The following ASXL2 variants were observed in gnomAD, a reference collection of about 807,000 sequenced individuals.
ASXL2 encodes putative Polycomb group protein ASXL2.
A neutral mutation model predicts 122.0 loss-of-function variants in ASXL2; 23 were observed. The observed-to-expected ratio is 0.19, with a 90% CI of 0.14 to 0.27. The LOEUF (loss-of-function observed/expected upper bound fraction) is 0.27. Ranked by LOEUF, ASXL2 falls within the 10% of genes least tolerant of loss-of-function variation. ASXL2 has a pLI of 1.00. For synonymous variants in ASXL2, 650 were observed against 637.0 expected, an observed-to-expected ratio of 1.02 and a Z score of -0.31; for missense variants, 1,518 against 1,713.8, an observed-to-expected ratio of 0.89 and a Z score of 2.02.
intron 11 of ASXL2, 117 bp downstream of exon 11, chr2:25,753,417 A>G: frequency 2.9e-6 from 2 of 693,646 alleles, no homozygotes; most frequent in Non-Finnish European, 4.5e-6. Flanking sequence ...AAAACAAAAT[A>G]AAACAAAACA....
Position 25,743,742 on chromosome 2 carries a change from T to G in ASXL2, c.2595A>C (p.Ile865=). ...VELKAGPSKN[I]PNPSASSKTD... ...TCTTTGATGAGGCTGAAGGGTTAGG[T>G]ATATTCTTACTAGGACCTGCTTTGA... The change falls in exon 13 of 13, where the codon ATA becomes ATC. Residue 865 remains isoleucine (I), a synonymous_variant. Transcript: ENST00000435504. The G allele has an allele frequency of 2.5e-6, 4 of 1,613,870 alleles. No homozygotes were observed. The highest frequency in any genetic ancestry group is 3.4e-6 in the Non-Finnish European group (4 of 1,179,864).
intron 1 of ASXL2, among the ~76,000 whole-genome samples, chr2:25,877,469 G>A (rs1225818048): frequency 6.6e-6 from 1 of 152,018 alleles, no homozygotes; most frequent in Non-Finnish European, 1.5e-5. Context: ...CCATCCCTTT[G>A]GCTAGGGTAA....
At chr2:25,819,948 C>T (rs1307559887) in intron 3 of ASXL2, among the ~76,000 whole-genome samples, 2 of 152,114 alleles carry the variant, frequency 1.3e-5, no homozygotes, top group African/African-American at 4.8e-5. Flanking sequence ...CTTGCTCTGT[C>T]CCCCAGGCTA....
chr2:25,758,318 C>T (rs1001604800), intron 9 of ASXL2, among the ~76,000 whole-genome samples: 3 of 152,174 alleles, frequency 2.0e-5, no homozygotes, highest in Non-Finnish European at 4.4e-5. Context: ...TTACTACGAA[C>T]AAGAGAGTAT....
In ASXL2 at chr2:25,877,159, G is replaced by T. The variant is rs147309848; in HGVS notation, c.57+1007C>A. On this transcript the variant is annotated intron_variant, in intron 1 of 12. Coordinates refer to ENST00000435504, the MANE Select transcript of ASXL2 (RefSeq NM_018263.6). Reference sequence around the variant, plus strand: ...GTTCACTAAGAAGGGCTACGTTGTCGAAGTATTACCGGCATTAATCACCAT... The same window carrying T: ...GTTCACTAAGAAGGGCTACGTTGTCTAAGTATTACCGGCATTAATCACCAT... Among the ~76,000 whole-genome samples, 731 of 152,164 alleles carry T rather than the reference G, an allele frequency of 4.8e-3. 5 individuals are homozygous for T. The highest frequency in any genetic ancestry group is 0.016 in the African/African-American group (676 of 41,514).
At chr2:25,860,514 A>G (rs1489807554) in intron 1 of ASXL2, among the ~76,000 whole-genome samples, 2 of 151,664 alleles carry the variant, frequency 1.3e-5, no homozygotes, top group Non-Finnish European at 2.9e-5. Context: ...GGAGTTCCGG[A>G]CCAGCCTGGC....
intron 3 of ASXL2, among the ~76,000 whole-genome samples, chr2:25,820,915 C>T (rs1015620898): frequency 3.9e-5 from 6 of 152,084 alleles, no homozygotes; most frequent in African/African-American, 1.2e-4. Flanking sequence ...GCCTGTAATC[C>T]TAGCACACTG....
intron 3 of ASXL2, among the ~76,000 whole-genome samples, chr2:25,834,209 C>T (rs1425569470): frequency 1.3e-5 from 2 of 151,846 alleles, no homozygotes; most frequent in Non-Finnish European, 2.9e-5. Context: ...AAAAAGTAGC[C>T]GGGGTTGGTG....
chr2:25,760,981 A>C (rs1226159626), intron 8 of ASXL2, among the ~76,000 whole-genome samples: 1 of 152,254 alleles, frequency 6.6e-6, no homozygotes, highest in East Asian at 1.9e-4. Flanking sequence ...GAAATCGATT[A>C]AACAGTAGTT....
intron 5 of ASXL2, among the ~76,000 whole-genome samples, chr2:25,790,749 T>C (rs996026300): frequency 6.7e-6 from 1 of 149,376 alleles, no homozygotes; most frequent in African/African-American, 2.4e-5. Context: ...AGAAACTTAA[T>C]GAACAAAAAT....
chr2:25,839,401 G>A (rs1216436823), intron 2 of ASXL2, among the ~76,000 whole-genome samples: 1 of 152,094 alleles, frequency 6.6e-6, no homozygotes, highest in Non-Finnish European at 1.5e-5. Context: ...TTTATCTATA[G>A]TATAACTTTT....
intron 10 of ASXL2, 109 bp downstream of exon 10, chr2:25,755,909 T>C (rs2088122091): frequency 2.2e-6 from 2 of 924,802 alleles, no homozygotes; most frequent in East Asian, 2.5e-5. Flanking sequence ...TTCTATCCTA[T>C]GGAAACATCC....
intron 12 of ASXL2, among the ~76,000 whole-genome samples, chr2:25,749,411 G>A (rs968472262): frequency 6.6e-6 from 1 of 152,220 alleles, no homozygotes; most frequent in African/African-American, 2.4e-5. Flanking sequence ...CTAAGAGTCT[G>A]AGATCAGGTG....
In ASXL2 at chr2:25,788,082, G is replaced by A. The variant is rs955882942; in HGVS notation, c.403+11303C>T. On this transcript the variant is annotated intron_variant, in intron 5 of 12. Coordinates refer to ENST00000435504, the MANE Select transcript of ASXL2 (RefSeq NM_018263.6). ...CCAAACCATAACTATATGGTCAATT[G>A]ACTTATGACAGAGAACACTGCAATA... is the stretch of plus-strand genomic sequence containing the variant. Among the ~76,000 whole-genome samples, 8 of 152,126 alleles carry A rather than the reference G, an allele frequency of 5.3e-5. No homozygotes were observed. The East Asian group carries it at 1.5e-3, about 29-fold the overall frequency.
chr2:25,837,304 G>A (rs1055107035), intron 2 of ASXL2, among the ~76,000 whole-genome samples: 8 of 152,314 alleles, frequency 5.3e-5, no homozygotes, highest in East Asian at 1.9e-4. Context: ...TATTCAGGGC[G>A]TGTATTCTGT....
intron 5 of ASXL2, among the ~76,000 whole-genome samples, chr2:25,783,907 AGT>A (rs1213431347): frequency 1.3e-5 from 2 of 152,046 alleles, no homozygotes; most frequent in Non-Finnish European, 2.9e-5. Context: ...TACAAAAATT[AGT>A]CGGGCGTGGT....
intron 8 of ASXL2, among the ~76,000 whole-genome samples, chr2:25,762,004 C>G (rs1051612666): frequency 2.0e-5 from 3 of 151,704 alleles, no homozygotes; most frequent in Non-Finnish European, 4.4e-5. Flanking sequence ...TAATAGTATT[C>G]TAGTGTCTGA....
intron 3 of ASXL2, among the ~76,000 whole-genome samples, chr2:25,816,683 T>C (rs568973433): frequency 6.6e-5 from 10 of 152,354 alleles, no homozygotes; most frequent in South Asian, 2.1e-4. Flanking sequence ...CAGCAAAATA[T>C]TGACCAATAA....
intron 8 of ASXL2, among the ~76,000 whole-genome samples, chr2:25,763,661 C>T (rs1179966234): frequency 6.6e-6 from 1 of 152,186 alleles, no homozygotes; most frequent in African/African-American, 2.4e-5. Flanking sequence ...GCAGCAGCAA[C>T]TTACATAGGG....
Sources: allele counts gnomAD v4.1 joint callset (sites outside exome capture counted in the v4.1 genomes callset), GRCh38; gene constraint gnomAD v4.1.1; transcripts MANE v1.5; gene names NCBI Gene and HGNC (gene_info 2026-07-23, HGNC 2026-07-21).